Variants in GABRB1 observed in about 807,000 individuals in gnomAD.
The protein encoded by GABRB1 is gamma-aminobutyric acid receptor subunit beta-1.
Under a neutral mutation model 51.6 loss-of-function variants are expected in GABRB1, and 17 were observed. The ratio of observed to expected loss-of-function variants is 0.33; its 90% CI spans 0.23 to 0.49. The LOEUF is 0.49. GABRB1 is among the 20% of genes least tolerant of loss of function. GABRB1 has a pLI of 0.99. For missense variants in GABRB1, 410 were observed against 600.6 expected, an observed-to-expected ratio of 0.68 and a Z score of 3.32; for synonymous variants, 247 against 218.9, an observed-to-expected ratio of 1.13 and a Z score of -1.14.
At chr4:47,010,935 T>C (rs895669062) in intron 1 of GABRB1, among the ~76,000 whole-genome samples, 2 of 152,146 alleles carry the variant, frequency 1.3e-5, no homozygotes, top group African/African-American at 4.8e-5. Context: ...ACTCACACAG[T>C]GGATTTTTGA....
intron 5 of GABRB1, among the ~76,000 whole-genome samples, chr4:47,396,719 T>C (rs940583934): frequency 1.1e-4 from 16 of 152,204 alleles, no homozygotes; most frequent in African/African-American, 3.6e-4. Flanking sequence ...AAAGGGTATA[T>C]ACATTAATAC....
At chr4:47,136,062 C>T (rs1716636124) in intron 3 of GABRB1, among the ~76,000 whole-genome samples, 2 of 152,138 alleles carry the variant, frequency 1.3e-5, no homozygotes. Flanking sequence ...ACAATCATAG[C>T]TCACTGAAGC....
intron 3 of GABRB1, among the ~76,000 whole-genome samples, chr4:47,108,544 C>T (rs1334975557): frequency 2.6e-5 from 4 of 152,022 alleles, no homozygotes; most frequent in Admixed American, 2.6e-4. Context: ...TTAATTATTT[C>T]TCAGCACAAA....
intron 4 of GABRB1, among the ~76,000 whole-genome samples, chr4:47,213,942 T>C (rs371028478): frequency 6.6e-4 from 101 of 152,260 alleles, no homozygotes; most frequent in African/African-American, 2.3e-3. Context: ...ATTCTTTTCA[T>C]TAAGTAAGAC....
chr4:47,310,939 G>A (rs369632702), intron 4 of GABRB1, among the ~76,000 whole-genome samples: 1 of 151,336 alleles, frequency 6.6e-6, no homozygotes, highest in African/African-American at 2.4e-5. Context: ...TGAGGTGGGC[G>A]GATCACTTGA....
intron 4 of GABRB1, among the ~76,000 whole-genome samples, chr4:47,220,871 T>C (rs904795516): frequency 6.6e-6 from 1 of 152,038 alleles, no homozygotes; most frequent in Non-Finnish European, 1.5e-5. Context: ...TAACAGACTG[T>C]TGTCAAAGAG....
intron 5 of GABRB1, among the ~76,000 whole-genome samples, chr4:47,349,959 T>C (rs950350082): frequency 4.6e-5 from 7 of 152,066 alleles, no homozygotes; most frequent in African/African-American, 1.7e-4. Flanking sequence ...TCTGTTGTTA[T>C]TTACAGATTG....
chr4:47,386,108 C>A (rs1015194277), intron 5 of GABRB1, among the ~76,000 whole-genome samples: 2 of 152,188 alleles, frequency 1.3e-5, no homozygotes, highest in Non-Finnish European at 2.9e-5. Context: ...TACAGCTTTT[C>A]TCTGCTCTCT....
intron 5 of GABRB1, among the ~76,000 whole-genome samples, chr4:47,362,103 G>A (rs1216913123): frequency 6.6e-6 from 1 of 152,144 alleles, no homozygotes; most frequent in Non-Finnish European, 1.5e-5. Context: ...TAAATAGCAG[G>A]ATGACTAGGA....
At chr4:47,298,803 A>G (rs1724121589) in intron 4 of GABRB1, among the ~76,000 whole-genome samples, 1 of 152,210 alleles carries the variant, frequency 6.6e-6, no homozygotes, top group Non-Finnish European at 1.5e-5. Context: ...CCAAAAGAAC[A>G]AAGCTGGAGG....
chr4:47,114,045 T>A (rs1256097954), intron 3 of GABRB1, among the ~76,000 whole-genome samples: 1 of 152,220 alleles, frequency 6.6e-6, no homozygotes, highest in Non-Finnish European at 1.5e-5. Context: ...TAGGGTTGTC[T>A]GACCAAGCTA....
At chr4:47,284,352 G>C (rs902900220) in intron 4 of GABRB1, among the ~76,000 whole-genome samples, 6 of 152,076 alleles carry the variant, frequency 3.9e-5, no homozygotes, top group Admixed American at 2.0e-4. Flanking sequence ...GTTCCACCAA[G>C]CAGGAATAAA....
chr4:47,355,314 CTT>C (rs981493330), intron 5 of GABRB1, among the ~76,000 whole-genome samples: 1 of 148,896 alleles, frequency 6.7e-6, no homozygotes, highest in African/African-American at 2.5e-5. Context: ...AGGAAAACTT[CTT>C]TTTTTTTTAA....
chr4:47,352,555 A>C (rs979505375), intron 5 of GABRB1, among the ~76,000 whole-genome samples: 12 of 152,158 alleles, frequency 7.9e-5, no homozygotes, highest in African/African-American at 2.9e-4. Flanking sequence ...GCACATCAAA[A>C]AGCTTATCCA....
At chr4:47,212,851 T>C (rs1720417404) in intron 4 of GABRB1, among the ~76,000 whole-genome samples, 1 of 152,102 alleles carries the variant, frequency 6.6e-6, no homozygotes. Context: ...CAACAATCCC[T>C]CCCTAGTCTG....
intron 4 of GABRB1, among the ~76,000 whole-genome samples, chr4:47,206,578 G>A (rs1038801359): frequency 6.6e-6 from 1 of 151,916 alleles, no homozygotes; most frequent in Admixed American, 6.6e-5. Context: ...TGTGAAGCAT[G>A]TATTTCATTA....
upstream of GABRB1, chr4:47,031,459 T>G: frequency 1.7e-6 from 1 of 596,828 alleles, no homozygotes; most frequent in East Asian, 2.8e-5. Flanking sequence ...GCACCCCAAA[T>G]AGGAACTTTA....
At chr4:47,175,937 ATAAG>A (rs1429637094) in intron 4 of GABRB1, among the ~76,000 whole-genome samples, 2 of 152,198 alleles carry the variant, frequency 1.3e-5, no homozygotes, top group African/African-American at 2.4e-5. Context: ...ATTATTGGAA[ATAAG>A]TAAGAGTAGA....
At chr4:47,116,660 T>C (rs1715492723) in intron 3 of GABRB1, among the ~76,000 whole-genome samples, 1 of 152,208 alleles carries the variant, frequency 6.6e-6, no homozygotes, top group Admixed American at 6.5e-5. Context: ...TACTATGGCT[T>C]ACTGGTCCTG....
Sources: allele counts gnomAD v4.1 joint callset (sites outside exome capture counted in the v4.1 genomes callset), GRCh38; gene constraint gnomAD v4.1.1; transcripts MANE v1.5; gene names NCBI Gene and HGNC (gene_info 2026-07-23, HGNC 2026-07-21).